PNKD: variants seen among roughly 807,000 people sequenced by gnomAD.
PNKD encodes PNKD metallo-beta-lactamase domain containing.
In PNKD, 36 loss-of-function variants were observed where a neutral mutation model predicts 45.3. The observed-to-expected ratio is 0.80, with a 90% CI of 0.61 to 1.05. The LOEUF is 1.05. PNKD is among the 50% of genes least tolerant of loss of function. The pLI is 0.00. For synonymous variants in PNKD, 197 were observed against 210.1 expected (o/e 0.94, Z 0.54); for missense variants, 511 against 506.6 (o/e 1.01, Z -0.08).
At chr2:218,300,174 A>G (rs1254878938) in intron 2 of PNKD, among the ~76,000 whole-genome samples, 1 of 152,162 alleles carries the variant, frequency 6.6e-6, no homozygotes, top group Non-Finnish European at 1.5e-5. Flanking sequence ...TCAGCAGCAA[A>G]ATCTCAACTC....
chr2:218,308,989 G>A (rs1345001229), intron 2 of PNKD, among the ~76,000 whole-genome samples: 12 of 151,370 alleles, frequency 7.9e-5, no homozygotes, highest in Non-Finnish European at 2.9e-5. Flanking sequence ...GTACAGTGGC[G>A]CAGTCATGTC....
At chr2:218,280,376 C>T (rs1318021103) in intron 2 of PNKD, 10 of 434,450 alleles carry the variant, frequency 2.3e-5, no homozygotes, top group African/African-American at 8.1e-5. Flanking sequence ...GCCCAGCCCA[C>T]GCCACTGGGG....
chr2:218,276,572 C>T (rs947277287), intron 2 of PNKD, among the ~76,000 whole-genome samples: 1 of 152,178 alleles, frequency 6.6e-6, no homozygotes, highest in Non-Finnish European at 1.5e-5. Flanking sequence ...GCCCTCGTGT[C>T]CCCATCCTTC....
chr2:218,345,245 C>T lies in PNKD; in HGVS notation c.*264C>T, dbSNP rs1694800762. 6.5e-6 allele frequency: 3 copies of T among 464,846 alleles called. No individual in the cohort carries two copies. The highest frequency in any genetic ancestry group is 1.1e-3 in the Middle Eastern group (2 of 1,754). 28.8% of individuals were successfully genotyped at this position (464,846 alleles called of 1,614,324 possible). A position where few individuals can be genotyped will look rare whatever the true frequency, so the allele number is the denominator to read the frequency against. On this transcript the variant is annotated 3_prime_UTR_variant, in exon 10 of 10. Transcript: ENST00000273077. The stretch of plus-strand genomic sequence containing the variant: ...GAAAGGAGGGGTCTCGGGACATCTC[C>T]AGACCCTACCAACTGGGAGGGTCCC...
intron 2 of PNKD, among the ~76,000 whole-genome samples, chr2:218,319,694 T>C (rs1287577660): frequency 6.6e-6 from 1 of 152,224 alleles, no homozygotes; most frequent in Non-Finnish European, 1.5e-5. Flanking sequence ...TATTATAGGA[T>C]GTTTAGCAGC....
At chr2:218,271,057 C>T (rs1273177607) in intron 1 of PNKD, 7 of 489,348 alleles carry the variant, frequency 1.4e-5, no homozygotes, top group Non-Finnish European at 1.9e-5. Context: ...GTTTCAAAAC[C>T]TTTTCCCGGA....
chr2:218,275,240 G>T, intron 2 of PNKD: 1 of 438,816 alleles, frequency 2.3e-6, no homozygotes, highest in Non-Finnish European at 4.0e-6. Context: ...CACATCTTCA[G>T]CCTAGTCCCT....
At chr2:218,328,220 C>G (rs1694212327) in intron 2 of PNKD, among the ~76,000 whole-genome samples, 1 of 152,172 alleles carries the variant, frequency 6.6e-6, no homozygotes, top group South Asian at 2.1e-4. Flanking sequence ...TCTGTTTCTG[C>G]CGGTCGTAAT....
chr2:218,323,107 G>A (rs1694036215), intron 2 of PNKD: 2 of 1,192,060 alleles, frequency 1.7e-6, no homozygotes, highest in Admixed American at 4.4e-5. Flanking sequence ...CCCGGCTGGA[G>A]GTGGTGAGGG....
chr2:218,302,795 G>A (rs184407946), intron 2 of PNKD, among the ~76,000 whole-genome samples: 24 of 152,358 alleles, frequency 1.6e-4, no homozygotes, highest in African/African-American at 5.8e-4. Context: ...GTGGCCCAAG[G>A]TAGTCAGGGC....
intron 7 of PNKD, among the ~76,000 whole-genome samples, chr2:218,342,572 T>C (rs1694712091): frequency 6.6e-6 from 1 of 150,728 alleles, no homozygotes; most frequent in Admixed American, 6.6e-5. Flanking sequence ...TGGTGGTGCA[T>C]GCCTGTAATC....
intron 2 of PNKD, chr2:218,275,761 C>G (rs1261595981): frequency 1.8e-6 from 2 of 1,095,892 alleles, no homozygotes; most frequent in Non-Finnish European, 2.6e-6. Flanking sequence ...CATATGGGCT[C>G]TATACTGTAG....
intron 2 of PNKD, among the ~76,000 whole-genome samples, chr2:218,315,936 G>T (rs902266992): frequency 2.0e-5 from 3 of 152,228 alleles, no homozygotes; most frequent in Admixed American, 1.3e-4. Context: ...GCATCTGTGG[G>T]CAGGCTGAGC....
chr2:218,303,959 G>C (rs1574678323), intron 2 of PNKD, among the ~76,000 whole-genome samples: 1 of 152,168 alleles, frequency 6.6e-6, no homozygotes, highest in South Asian at 2.1e-4. Flanking sequence ...CTTGGAGCTG[G>C]TCCTATGGAC....
intron 2 of PNKD, chr2:218,323,366 C>G: frequency 6.3e-7 from 1 of 1,581,616 alleles, no homozygotes; most frequent in Non-Finnish European, 8.6e-7. Flanking sequence ...CCCGCGGCTG[C>G]CGAGCGCGGC....
chr2:218,273,242 T>C (rs1189061099), intron 2 of PNKD, among the ~76,000 whole-genome samples: 1 of 151,482 alleles, frequency 6.6e-6, no homozygotes, highest in Non-Finnish European at 1.5e-5. Flanking sequence ...GACTCGACTC[T>C]GGGCCTCAGT....
intron 2 of PNKD, among the ~76,000 whole-genome samples, chr2:218,314,553 ATTCTT>A (rs1360252272): frequency 6.6e-6 from 1 of 151,500 alleles, no homozygotes; most frequent in Non-Finnish European, 1.5e-5. Context: ...GATTTTCTTG[ATTCTT>A]TTGAGTTTTC....
At chr2:218,293,157 G>C (rs368641513) in intron 2 of PNKD, among the ~76,000 whole-genome samples, 1 of 152,182 alleles carries the variant, frequency 6.6e-6, no homozygotes. Flanking sequence ...AGGAAAGCAG[G>C]TGCTTTCCTC....
chr2:218,306,117 C>A (rs1693396232), intron 2 of PNKD, among the ~76,000 whole-genome samples: 1 of 152,186 alleles, frequency 6.6e-6, no homozygotes, highest in Non-Finnish European at 1.5e-5. Flanking sequence ...GTGATCAGGG[C>A]AGGCTGGCAG....
Sources: gnomAD v4.1 joint callset for allele counts (sites outside exome capture counted in the v4.1 genomes callset) on GRCh38, gnomAD v4.1.1 for gene constraint, MANE v1.5 for transcripts, NCBI Gene and HGNC (gene_info 2026-07-23, HGNC 2026-07-21) for gene names.